The following PITPNM3 variants were observed in gnomAD, a reference collection of about 807,000 sequenced individuals.
PITPNM3 encodes PITPNM family member 3, also known as membrane-associated phosphatidylinositol transfer protein 3.
Under a neutral mutation model 102.0 loss-of-function variants are expected in PITPNM3, and 26 were observed. The ratio of observed to expected loss-of-function variants is 0.25; its 90% CI spans 0.19 to 0.35. PITPNM3 has a LOEUF of 0.35. PITPNM3 is among the 10% of genes least tolerant of loss of function. PITPNM3 has a pLI of 1.00. For synonymous variants in PITPNM3, 578 were observed against 558.6 expected, an observed-to-expected ratio of 1.03 and a Z score of -0.49; for missense variants, 1,083 against 1,346.1, an observed-to-expected ratio of 0.80 and a Z score of 3.06.
chr17:6,498,937 G>A (rs1394678730), intron 4 of PITPNM3, among the ~76,000 whole-genome samples: 1 of 152,168 alleles, frequency 6.6e-6, no homozygotes, highest in Non-Finnish European at 1.5e-5. Flanking sequence ...GAAACAGAAA[G>A]AGGCACAGAC....
intron 4 of PITPNM3, among the ~76,000 whole-genome samples, chr17:6,495,771 AG>A (rs1906768985): frequency 6.6e-6 from 1 of 150,972 alleles, no homozygotes; most frequent in Admixed American, 6.7e-5. Context: ...ACAGAGGAGG[AG>A]GAGTCCTTCA....
chr17:6,509,721 C>T (rs1445621875), intron 3 of PITPNM3, among the ~76,000 whole-genome samples: 3 of 152,180 alleles, frequency 2.0e-5, no homozygotes, highest in Non-Finnish European at 2.9e-5. Context: ...TTGAGACTCA[C>T]GCTCATTACC....
At chr17:6,499,003 C>G (rs1486597946) in intron 4 of PITPNM3, among the ~76,000 whole-genome samples, 2 of 152,096 alleles carry the variant, frequency 1.3e-5, no homozygotes, top group Non-Finnish European at 2.9e-5. Flanking sequence ...ATGTCAGAAC[C>G]AGGAGGGACT....
At chr17:6,529,686 TC>T (rs1337916959) in intron 2 of PITPNM3, among the ~76,000 whole-genome samples, 1 of 152,118 alleles carries the variant, frequency 6.6e-6, no homozygotes, top group Non-Finnish European at 1.5e-5. Flanking sequence ...AGATGGCCCA[TC>T]CAGTACCACT....
Position 6,483,439 on chromosome 17 carries a change from T to C in PITPNM3, c.587+78A>G, listed in dbSNP as rs1164963625. 4 of 1,385,956 alleles carry C rather than the reference T, an allele frequency of 2.9e-6. No homozygotes were observed. The East Asian group carries it at 7.4e-5, about 26-fold the overall frequency. The allele number at this position is 1,385,956 out of a possible 1,614,324, so 85.9% of individuals were successfully genotyped here. A position where few individuals can be genotyped will look rare whatever the true frequency, so the allele number is the denominator to read the frequency against. The stretch of plus-strand genomic sequence containing the variant: ...TGCAGGTACCCACCTGCCCACGGGG[T>C]CCATGCTGCAGGGGGAGCCCCTCCA... On this transcript the variant is annotated intron_variant, in intron 6 of 19. Transcript: ENST00000262483.
At chr17:6,473,019 C>G (rs1905136836) in intron 10 of PITPNM3, among the ~76,000 whole-genome samples, 192 bp from the exon 11 acceptor site, 1 of 152,162 alleles carries the variant, frequency 6.6e-6, no homozygotes, top group African/African-American at 2.4e-5. Context: ...TGACAGGCAC[C>G]CAGCACTGCA....
Position 6,453,103 on chromosome 17 carries a change from TTCTC to T in PITPNM3, c.*2231_*2234del, listed in dbSNP as rs1404917721. On this transcript the variant is annotated 3_prime_UTR_variant, in exon 20 of 20. Coordinates refer to ENST00000262483, the MANE Select transcript of PITPNM3 (RefSeq NM_031220.4). The stretch of plus-strand genomic sequence containing the variant: ...CTTTCTTTCCTCTGTCTTCCTTTCT[TTCTC>T]TCTCTCTTTCTCTCTCCCTCTCTCT... The T allele has an allele frequency of 1.8e-4, 23 of 130,268 alleles. No homozygotes were observed. Among genetic ancestry groups the T allele is most frequent in the Middle Eastern group, 4.3e-3 (1 of 234 alleles). 8.1% of individuals were successfully genotyped at this position (130,268 alleles called of 1,614,324 possible).
chr17:6,544,169 C>A (rs991664936), intron 1 of PITPNM3, among the ~76,000 whole-genome samples: 1 of 152,242 alleles, frequency 6.6e-6, no homozygotes, highest in African/African-American at 2.4e-5. Flanking sequence ...GCCCTGCCTA[C>A]GGCTATATCA....
intron 4 of PITPNM3, among the ~76,000 whole-genome samples, chr17:6,489,149 C>T (rs2150588741): frequency 6.6e-6 from 1 of 152,302 alleles, no homozygotes; most frequent in Admixed American, 6.5e-5. Flanking sequence ...AGACGAAAGC[C>T]AAGGTCATCA....
chr17:6,502,322 C>T lies in PITPNM3; in HGVS notation c.274+1205G>A, dbSNP rs1185316709. On this transcript the variant is annotated intron_variant, in intron 4 of 19. Transcript: ENST00000262483. ...ACAAAAATTACCCGGGCATGGTGGC[C>T]GGCGCCTGTAATCCCAGCCACTCAG... is the stretch of plus-strand genomic sequence containing the variant. 6.6e-5 allele frequency among the ~76,000 whole-genome samples: 10 copies of T among 151,988 alleles called. No individual in the cohort carries two copies. In the South Asian group the frequency reaches 8.3e-4, roughly 13 times the overall value.
chr17:6,457,586 C>T lies in PITPNM3; in HGVS notation c.2619+8G>A, dbSNP rs758847122. On this transcript the variant is annotated splice_region_variant and intron_variant, in intron 19 of 19. Coordinates refer to ENST00000262483, the MANE Select transcript of PITPNM3 (RefSeq NM_031220.4). This position sits in a 1 kb window ranked among gnomAD's most constrained non-coding sequence, Gnocchi z 4.7. ...CAACTCCCCGCCTCCAGCCCCGCCT[C>T]CACCCACCTGGCACTGGGTTTGGTA... The T allele has an allele frequency of 6.2e-7, 1 of 1,613,416 alleles. No homozygotes were observed. Among genetic ancestry groups the T allele is most frequent in the East Asian group, 2.2e-5 (1 of 44,876 alleles).
chr17:6,510,156 G>A (rs535595655), intron 3 of PITPNM3, among the ~76,000 whole-genome samples: 1 of 152,158 alleles, frequency 6.6e-6, no homozygotes, highest in South Asian at 2.1e-4. Flanking sequence ...TGCCTTCCTG[G>A]GCTAAATTCC....
At chr17:6,530,822 C>T (rs577638586) in intron 2 of PITPNM3, among the ~76,000 whole-genome samples, 4 of 152,248 alleles carry the variant, frequency 2.6e-5, no homozygotes, top group East Asian at 3.9e-4. Flanking sequence ...GTTGGGAAAC[C>T]GAAAGAAAAG....
In PITPNM3 at chr17:6,547,259, ATG is replaced by A. The variant is rs747127162; in HGVS notation, c.22+9124_22+9125del. Among the ~76,000 whole-genome samples, 6 of 152,294 alleles carry A rather than the reference ATG, an allele frequency of 3.9e-5. No homozygotes were observed. The East Asian group carries it at 7.7e-4, about 20-fold the overall frequency. On this transcript the variant is annotated intron_variant, in intron 1 of 19. Transcript: ENST00000262483. ...GGCCAAACCAGTTGCTTTGGGGAAA[ATG>A]TGCTTTTTGAAGACCTGCTGGTATG...
chr17:6,466,283 AG>A (rs1213759066), intron 14 of PITPNM3, among the ~76,000 whole-genome samples: 1 of 152,236 alleles, frequency 6.6e-6, no homozygotes, highest in Admixed American at 6.5e-5. Context: ...GACTCCTCAA[AG>A]ACAGGTTCTC....
chr17:6,550,033 G>A (rs774087282), intron 1 of PITPNM3, among the ~76,000 whole-genome samples: 6 of 152,216 alleles, frequency 3.9e-5, no homozygotes, highest in Non-Finnish European at 8.8e-5. Flanking sequence ...CTCCAAAAAG[G>A]AGAGAGCAGT....
chr17:6,464,617 G>A, intron 15 of PITPNM3, 38 bp downstream of exon 15: 9 of 1,571,648 alleles, frequency 5.7e-6, no homozygotes, highest in Non-Finnish European at 7.9e-6. Context: ...CCTGGTGCAG[G>A]TGGAGTGGCT....
chr17:6,460,145 A>T (rs1904374345), intron 18 of PITPNM3, among the ~76,000 whole-genome samples: 1 of 152,068 alleles, frequency 6.6e-6, no homozygotes, highest in African/African-American at 2.4e-5. Context: ...TGGGCCCCTG[A>T]TGACCTCTGA....
At chr17:6,506,379 CT>C (rs55749537) in intron 3 of PITPNM3, among the ~76,000 whole-genome samples, 20,602 of 140,472 alleles carry the variant, frequency 0.15, 2,298 homozygotes, top group African/African-American at 0.32. Flanking sequence ...TCCTTTCTCT[CT>C]TTTTTTTTTT....
Sources: allele counts gnomAD v4.1 joint callset (sites outside exome capture counted in the v4.1 genomes callset), GRCh38; gene constraint gnomAD v4.1.1; non-coding constraint Gnocchi (gnomAD v3.1); transcripts MANE v1.5; gene names NCBI Gene and HGNC (gene_info 2026-07-23, HGNC 2026-07-21).